Variants in TMSB4Y observed in about 807,000 individuals in gnomAD.
The protein encoded by TMSB4Y is thymosin beta 4 Y-linked.
In TMSB4Y, 2 loss-of-function variants were observed where a neutral mutation model predicts 1.0. That is an observed-to-expected ratio of 2.00 (90% confidence interval 0.82 to 6.31). The LOEUF (loss-of-function observed/expected upper bound fraction) is 6.31, where lower values mean the gene tolerates loss of function less well. Ranked by LOEUF, TMSB4Y falls within the 30% of genes most tolerant of loss-of-function variation. The pLI is 0.05. For missense variants in TMSB4Y, 12 were observed against 9.1 expected (o/e 1.31, Z -0.41); for synonymous variants, 7 against 3.6 (o/e 1.96, Z -1.08).
In TMSB4Y at chrY:13,705,354, C is replaced by T. The variant is rs2079760856; in HGVS notation, c.*95C>T. ...TGTTTAACTTGGTTAGATGCAAACA[C>T]GTTGGATGAGTTTGAAAGGACTATG... On this transcript the variant is annotated 3_prime_UTR_variant, in exon 2 of 2. Coordinates refer to ENST00000284856, the MANE Select transcript of TMSB4Y (RefSeq NM_004202.3). The T allele has an allele frequency of 8.2e-6, 2 of 245,332 alleles. No homozygotes were observed. The highest frequency in any genetic ancestry group is 7.6e-5 in the African/African-American group (1 of 13,204). 61.2% of individuals were successfully genotyped at this position (245,332 alleles called of 400,897 possible). A position where few individuals can be genotyped will look rare whatever the true frequency, so the allele number is the denominator to read the frequency against.
Position 13,705,479 on chromosome Y carries a change from G to T in TMSB4Y, c.*220G>T. 1 of 93,701 alleles carries T rather than the reference G, an allele frequency of 1.1e-5. No homozygotes were observed. The highest frequency in any genetic ancestry group is 1.9e-4 in the South Asian group (1 of 5,179). The allele number at this position is 93,701 out of a possible 400,897, so 23.4% of individuals were successfully genotyped here. On this transcript the variant is annotated 3_prime_UTR_variant, in exon 2 of 2. Transcript: ENST00000284856. ...GGGAAGGAAAATAGCTTGAATGTTG[G>T]TGAAAGACTTAGCGGAGTGGGAGGG...
chrY:13,704,442 T>C lies in TMSB4Y; in HGVS notation c.100+7T>C. ...CCATTGTCTTCCAAAGAAAGTAAGCTCCGATCCTCCCCCATCTTTAGAAAG... is the reference window on the plus strand; with the variant it reads ...CCATTGTCTTCCAAAGAAAGTAAGCCCCGATCCTCCCCCATCTTTAGAAAG... On this transcript the variant is annotated splice_region_variant and intron_variant, in intron 1 of 1. Coordinates refer to ENST00000284856, the MANE Select transcript of TMSB4Y (RefSeq NM_004202.3). 1 of 352,437 alleles carries C rather than the reference T, an allele frequency of 2.8e-6. No individual in the cohort carries two copies. The highest frequency in any genetic ancestry group is 6.3e-4 in the Middle Eastern group (1 of 1,575). 87.9% of individuals were successfully genotyped at this position (352,437 alleles called of 400,897 possible).
chrY:13,704,381 T>C lies in TMSB4Y; in HGVS notation c.46T>C (p.Ser16Pro). The change falls in exon 1 of 2, where the codon TCG (serine) becomes CCG (proline). Residue 16 changes from serine to proline, a missense_variant. Transcript: ENST00000284856. ...GGCTGAGATCGAGAAATTCGATAAG[T>C]CGAAACTGAAGAAGACAGAAACGCA... Reference protein sequence around the residue: ...GMAEIEKFDKSKLKKTETQEK... With the variant: ...GMAEIEKFDKPKLKKTETQEK... 2.5e-6 allele frequency: 1 copy of C among 396,858 alleles called. No homozygotes were observed. Among genetic ancestry groups the C allele is most frequent in the Non-Finnish European group, 3.5e-6 (1 of 282,417 alleles).
chrY:13,704,531 A>T, intron 1 of TMSB4Y, 96 bp downstream of exon 1: 1 of 190,419 alleles, frequency 5.3e-6, no homozygotes, highest in Admixed American at 9.1e-5. Context: ...AGAATTCGGG[A>T]GGCAGGGGAG....
Position 13,705,692 on chromosome Y carries a change from A to G in TMSB4Y, c.*433A>G, listed in dbSNP as rs2079761109. The G allele has an allele frequency of 8.4e-5, 3 of 35,677 alleles. No homozygotes were observed. Among genetic ancestry groups the G allele is most frequent in the Non-Finnish European group, 2.1e-4 (3 of 14,471 alleles). The allele number at this position is 35,677 out of a possible 400,897, so 8.9% of individuals were successfully genotyped here. A position where few individuals can be genotyped will look rare whatever the true frequency, so the allele number is the denominator to read the frequency against. On this transcript the variant is annotated 3_prime_UTR_variant, in exon 2 of 2. Transcript: ENST00000284856. Reference sequence around the variant, plus strand: ...GCTTGTTGATTGGAAAGAGTGTTTTATTCACCATTTAAACGTTTGCAAAGT... The same window carrying G: ...GCTTGTTGATTGGAAAGAGTGTTTTGTTCACCATTTAAACGTTTGCAAAGT...
Position 13,704,232 on chromosome Y carries a change from T to A in TMSB4Y, c.-104T>A. The stretch of plus-strand genomic sequence containing the variant: ...GGAGGGCGAGAAGGGCTTTCTCAGG[T>A]TGCGGGTCGGAGGGCAGAAGCACAG... On this transcript the variant is annotated 5_prime_UTR_variant, in exon 1 of 2. In the 5' UTR this introduces an upstream ATG that the reference lacks. Coordinates refer to ENST00000284856, the MANE Select transcript of TMSB4Y (RefSeq NM_004202.3). 5.8e-6 allele frequency: 1 copy of A among 173,369 alleles called. No individual in the cohort carries two copies. The highest frequency in any genetic ancestry group is 1.1e-5 in the Non-Finnish European group (1 of 92,535). The allele number at this position is 173,369 out of a possible 400,897, so 43.2% of individuals were successfully genotyped here.
intron 1 of TMSB4Y, 65 bp downstream of exon 1, chrY:13,704,500 A>G: frequency 4.1e-6 from 1 of 241,643 alleles, no homozygotes; most frequent in Non-Finnish European, 6.8e-6. Context: ...GGAGGGCGGG[A>G]GACTGGGAGC....
Position 13,705,207 on chromosome Y carries a change from G to GT in TMSB4Y, c.101-11dup, listed in dbSNP as rs1387633574. The GT allele has an allele frequency of 7.6e-6, 3 of 396,452 alleles. No homozygotes were observed. Among genetic ancestry groups the GT allele is most frequent in the African/African-American group, 6.2e-5 (1 of 16,033 alleles). ...TCCCACTCCATCTTTTTCCTTTTCTGTTTTTTTCTGGTCGCAGCTATCGAA... is the reference window on the plus strand; with the variant it reads ...TCCCACTCCATCTTTTTCCTTTTCTGTTTTTTTTCTGGTCGCAGCTATCGAA... On this transcript the variant is annotated splice_polypyrimidine_tract_variant and intron_variant, in intron 1 of 1. Transcript: ENST00000284856.
At position 13,704,150 on chromosome Y, in the gene TMSB4Y, G is replaced by C; in HGVS notation, c.-186G>C. The C allele has an allele frequency of 7.3e-6, 1 of 137,150 alleles. No individual in the cohort carries two copies. Among genetic ancestry groups the C allele is most frequent in the Non-Finnish European group, 1.4e-5 (1 of 71,139 alleles). 34.2% of individuals were successfully genotyped at this position (137,150 alleles called of 400,897 possible). ...TGCGTTTTCAAATATTTGAGGAAAG[G>C]TGTCGCCTCTTTTTCTGTGGAAAGA... On this transcript the variant is annotated 5_prime_UTR_variant, in exon 1 of 2. Coordinates refer to ENST00000284856, the MANE Select transcript of TMSB4Y (RefSeq NM_004202.3).
In TMSB4Y at chrY:13,704,218, A is replaced by C; in HGVS notation, c.-118A>C. On this transcript the variant is annotated 5_prime_UTR_variant, in exon 1 of 2. Coordinates refer to ENST00000284856, the MANE Select transcript of TMSB4Y (RefSeq NM_004202.3). ...AAACAGCAGGGGACGGAGGGCGAGAAGGGCTTTCTCAGGTTGCGGGTCGGA... is the reference window on the plus strand; with the variant it reads ...AAACAGCAGGGGACGGAGGGCGAGACGGGCTTTCTCAGGTTGCGGGTCGGA... 1 of 161,225 alleles carries C rather than the reference A, an allele frequency of 6.2e-6. No individual in the cohort carries two copies. The highest frequency in any genetic ancestry group is 1.2e-5 in the Non-Finnish European group (1 of 84,180). The allele number at this position is 161,225 out of a possible 400,897, so 40.2% of individuals were successfully genotyped here. A position where few individuals can be genotyped will look rare whatever the true frequency, so the allele number is the denominator to read the frequency against.
Position 13,705,421 on chromosome Y carries a change from C to T in TMSB4Y, c.*162C>T, listed in dbSNP as rs2079760940. 1 of 114,247 alleles carries T rather than the reference C, an allele frequency of 8.8e-6. No individual in the cohort carries two copies. Among genetic ancestry groups the T allele is most frequent in the Non-Finnish European group, 1.6e-5 (1 of 61,537 alleles). The allele number at this position is 114,247 out of a possible 400,897, so 28.5% of individuals were successfully genotyped here. ...AAAGACCTGCTGACAATGGAGGCCA[C>T]GCCTGCTTCTCCCATCGCCTGTCTG... On this transcript the variant is annotated 3_prime_UTR_variant, in exon 2 of 2. Transcript: ENST00000284856.
In TMSB4Y at chrY:13,705,493, G is replaced by A. The variant is rs2079761019; in HGVS notation, c.*234G>A. On this transcript the variant is annotated 3_prime_UTR_variant, in exon 2 of 2. Transcript: ENST00000284856. The stretch of plus-strand genomic sequence containing the variant: ...CTTGAATGTTGGTGAAAGACTTAGC[G>A]GAGTGGGAGGGCAGTGAAATCTAGA... The A allele has an allele frequency of 2.4e-5, 2 of 82,727 alleles. No individual in the cohort carries two copies. Among genetic ancestry groups the A allele is most frequent in the Non-Finnish European group, 2.2e-5 (1 of 44,655 alleles). 20.6% of individuals were successfully genotyped at this position (82,727 alleles called of 400,897 possible). A position where few individuals can be genotyped will look rare whatever the true frequency, so the allele number is the denominator to read the frequency against.
chrY:13,705,284 C>G lies in TMSB4Y; in HGVS notation c.*25C>G. The G allele has an allele frequency of 2.6e-6, 1 of 385,069 alleles. No individual in the cohort carries two copies. The highest frequency in any genetic ancestry group is 3.7e-6 in the Non-Finnish European group (1 of 271,518). ...AACAGGCATGTGCCACCAATATCTA[C>G]TGTACATTCTACAAGCATTGCTTTC... is the stretch of plus-strand genomic sequence containing the variant. On this transcript the variant is annotated 3_prime_UTR_variant, in exon 2 of 2. Transcript: ENST00000284856.
Position 13,705,372 on chromosome Y carries a change from G to A in TMSB4Y, c.*113G>A, listed in dbSNP as rs764645663. On this transcript the variant is annotated 3_prime_UTR_variant, in exon 2 of 2. Transcript: ENST00000284856. The stretch of plus-strand genomic sequence containing the variant: ...GCAAACACGTTGGATGAGTTTGAAA[G>A]GACTATGCTGCCCTTTTGACATCAA... 1.4e-4 allele frequency: 25 copies of A among 178,006 alleles called. No homozygotes were observed. In the East Asian group the frequency reaches 2.7e-3, roughly 19 times the overall value. The allele number at this position is 178,006 out of a possible 400,897, so 44.4% of individuals were successfully genotyped here.
chrY:13,704,407 A>G lies in TMSB4Y; in HGVS notation c.72A>G (p.Gln24=). The G allele has an allele frequency of 2.5e-6, 1 of 394,188 alleles. No individual in the cohort carries two copies. Among genetic ancestry groups the G allele is most frequent in the Non-Finnish European group, 3.6e-6 (1 of 279,681 alleles). Residue 24 remains glutamine, a synonymous_variant, in exon 1 of 2, where the codon CAA becomes CAG. Coordinates refer to ENST00000284856, the MANE Select transcript of TMSB4Y (RefSeq NM_004202.3). ...CGAAACTGAAGAAGACAGAAACGCAAGAGAAGAATCCATTGTCTTCCAAAG... is the reference window on the plus strand; with the variant it reads ...CGAAACTGAAGAAGACAGAAACGCAGGAGAAGAATCCATTGTCTTCCAAAG... ...DKSKLKKTET[Q]EKNPLSSKET... is the part of the protein sequence containing the mutation.
chrY:13,705,861 T>G lies in TMSB4Y; in HGVS notation c.*602T>G, dbSNP rs2079761243. 4 of 34,151 alleles carry G rather than the reference T, an allele frequency of 1.2e-4. No homozygotes were observed. The highest frequency in any genetic ancestry group is 2.3e-4 in the African/African-American group (2 of 8,724). The allele number at this position is 34,151 out of a possible 400,897, so 8.5% of individuals were successfully genotyped here. The stretch of plus-strand genomic sequence containing the variant: ...TAATTGGGAGATGATTTTTTTTGGC[T>G]AATTGAGATTACCTTTAGATTATGT... On this transcript the variant is annotated 3_prime_UTR_variant, in exon 2 of 2. Coordinates refer to ENST00000284856, the MANE Select transcript of TMSB4Y (RefSeq NM_004202.3).
Position 13,704,236 on chromosome Y carries a change from G to C in TMSB4Y, c.-100G>C. 1 of 178,731 alleles carries C rather than the reference G, an allele frequency of 5.6e-6. No homozygotes were observed. The highest frequency in any genetic ancestry group is 1.0e-5 in the Non-Finnish European group (1 of 96,430). 44.6% of individuals were successfully genotyped at this position (178,731 alleles called of 400,897 possible). ...GGCGAGAAGGGCTTTCTCAGGTTGC[G>C]GGTCGGAGGGCAGAAGCACAGTTCC... On this transcript the variant is annotated 5_prime_UTR_variant, in exon 1 of 2. Transcript: ENST00000284856.
At position 13,705,310 on chromosome Y, in the gene TMSB4Y, T is replaced by C. The variant is rs779997636; in HGVS notation, c.*51T>C. ...TGTACATTCTACAAGCATTGCTTTCTTATTTTACTTCTTTTACTTGTTTAA... is the reference window on the plus strand; with the variant it reads ...TGTACATTCTACAAGCATTGCTTTCCTATTTTACTTCTTTTACTTGTTTAA... On this transcript the variant is annotated 3_prime_UTR_variant, in exon 2 of 2. Coordinates refer to ENST00000284856, the MANE Select transcript of TMSB4Y (RefSeq NM_004202.3). The C allele has an allele frequency of 3.0e-6, 1 of 338,764 alleles. No individual in the cohort carries two copies. Among genetic ancestry groups the C allele is most frequent in the South Asian group, 3.2e-5 (1 of 31,162 alleles). 84.5% of individuals were successfully genotyped at this position (338,764 alleles called of 400,897 possible).
Position 13,705,959 on chromosome Y carries a change from T to C in TMSB4Y, c.*700T>C. On this transcript the variant is annotated 3_prime_UTR_variant, in exon 2 of 2. Transcript: ENST00000284856. ...TAGAGTTCAGCTATATTGTTGCATG[T>C]AGTGAGAAGGGACTTAATTACAAAC... 1 of 34,530 alleles carries C rather than the reference T, an allele frequency of 2.9e-5. No individual in the cohort carries two copies. The highest frequency in any genetic ancestry group is 7.3e-5 in the Non-Finnish European group (1 of 13,792). 8.6% of individuals were successfully genotyped at this position (34,530 alleles called of 400,897 possible). A position where few individuals can be genotyped will look rare whatever the true frequency, so the allele number is the denominator to read the frequency against.
Sources: gnomAD v4.1 joint callset for allele counts on GRCh38, gnomAD v4.1.1 for gene constraint, MANE v1.5 for transcripts, NCBI Gene and HGNC (gene_info 2026-07-23, HGNC 2026-07-21) for gene names.